Variants in SLC4A4 observed in about 807,000 individuals in gnomAD.
The protein encoded by SLC4A4 is solute carrier family 4 member 4.
SLC4A4 carries 27 observed loss-of-function variants against 111.5 expected under a neutral mutation model. The observed-to-expected ratio is 0.24, with a 90% confidence interval of 0.18 to 0.33. SLC4A4 has a LOEUF of 0.33. SLC4A4 is among the 10% of genes least tolerant of loss of function. The pLI is 1.00. For missense variants in SLC4A4, 909 were observed against 1,315.5 expected, an observed-to-expected ratio of 0.69 and a Z score of 4.78; for synonymous variants, 443 against 463.4, an observed-to-expected ratio of 0.96 and a Z score of 0.57.
At chr4:71,531,754 T>C (rs1248034983) in intron 16 of SLC4A4, among the ~76,000 whole-genome samples, 2 of 128,152 alleles carry the variant, frequency 1.6e-5, no homozygotes, top group African/African-American at 6.0e-5. Flanking sequence ...CCTCCCTGCC[T>C]ACACACACAC....
chr4:71,086,286 A>G (rs965949668), intron 1 of SLC4A4, among the ~76,000 whole-genome samples: 28 of 151,430 alleles, frequency 1.8e-4, no homozygotes, highest in Non-Finnish European at 3.7e-4. Context: ...GTTGCTTATC[A>G]GCTTAAGGAG....
chr4:71,205,707 T>G (rs1252405869), intron 1 of SLC4A4, among the ~76,000 whole-genome samples: 5 of 152,156 alleles, frequency 3.3e-5, no homozygotes, highest in African/African-American at 7.2e-5. Context: ...CCTCCAAAAT[T>G]TGAATGAAAA....
At chr4:71,557,302 C>T (rs1179685489) in intron 21 of SLC4A4, among the ~76,000 whole-genome samples, 1 of 151,894 alleles carries the variant, frequency 6.6e-6, no homozygotes, top group Admixed American at 6.6e-5. Context: ...GTGTCATCTC[C>T]TCTTTGTTCA....
intron 2 of SLC4A4, among the ~76,000 whole-genome samples, chr4:71,106,386 C>G (rs1299720625): frequency 6.6e-6 from 1 of 150,712 alleles, no homozygotes; most frequent in Non-Finnish European, 1.5e-5. Context: ...GGATCTAGAA[C>G]TAGAAATACC....
In SLC4A4 at chr4:71,567,899, TTGTC is replaced by T; in HGVS notation, c.*150_*153del. 7.1e-7 allele frequency: 1 copy of T among 1,403,246 alleles called. No individual in the cohort carries two copies. 86.9% of individuals were successfully genotyped at this position (1,403,246 alleles called of 1,614,324 possible). On this transcript the variant is annotated 3_prime_UTR_variant, in exon 26 of 26. Coordinates refer to ENST00000264485, the MANE Select transcript of SLC4A4 (RefSeq NM_001098484.3). ...GAACAGAAACTACATTGTAACCTGT[TTGTC>T]TTTCTTAAAACTGACATTTGTTGTT...
chr4:71,244,624 T>G (rs888846661), intron 2 of SLC4A4, among the ~76,000 whole-genome samples: 35 of 152,192 alleles, frequency 2.3e-4, no homozygotes, highest in Non-Finnish European at 4.4e-5. Context: ...GTAATTTATC[T>G]TTATGTGCAA....
intron 16 of SLC4A4, among the ~76,000 whole-genome samples, chr4:71,501,572 C>G (rs1730925372): frequency 7.2e-6 from 1 of 138,270 alleles, no homozygotes; most frequent in South Asian, 2.3e-4. Context: ...TTTCAGTCTT[C>G]TTTTTTTTTT....
intron 2 of SLC4A4, among the ~76,000 whole-genome samples, chr4:71,120,804 C>T (rs574617504): frequency 1.3e-4 from 20 of 152,322 alleles, no homozygotes; most frequent in African/African-American, 4.1e-4. Context: ...GGCACCTCCT[C>T]GGCCTCTGTG....
At chr4:71,393,123 A>T (rs1488792189) in intron 6 of SLC4A4, among the ~76,000 whole-genome samples, 7 of 152,082 alleles carry the variant, frequency 4.6e-5, no homozygotes, top group Non-Finnish European at 1.0e-4. Flanking sequence ...AAGGATGCCC[A>T]CTTTCACCAC....
intron 3 of SLC4A4, among the ~76,000 whole-genome samples, chr4:71,322,268 T>A (rs945810163): frequency 1.1e-4 from 16 of 151,978 alleles, no homozygotes; most frequent in Non-Finnish European, 7.4e-5. Context: ...CCAGGTAATA[T>A]GGGTAGAATT....
chr4:71,547,149 A>G (rs1437871352), intron 19 of SLC4A4, among the ~76,000 whole-genome samples: 1 of 151,852 alleles, frequency 6.6e-6, no homozygotes, highest in Non-Finnish European at 1.5e-5. Context: ...TGGGAATTAT[A>G]TTTGTTGAAA....
intron 7 of SLC4A4, among the ~76,000 whole-genome samples, chr4:71,422,233 C>G (rs1467762633): frequency 6.3e-5 from 9 of 143,404 alleles, no homozygotes; most frequent in African/African-American, 2.4e-4. Context: ...ACTAGAAAAT[C>G]TAGAAGAAAT....
intron 14 of SLC4A4, among the ~76,000 whole-genome samples, chr4:71,480,856 AC>A (rs1321621425): frequency 1.3e-5 from 2 of 151,756 alleles, no homozygotes; most frequent in African/African-American, 4.8e-5. Context: ...CAAATGCCAG[AC>A]ATTTTACTAG....
intron 7 of SLC4A4, among the ~76,000 whole-genome samples, chr4:71,426,362 C>T (rs992312831): frequency 2.0e-5 from 3 of 152,006 alleles, no homozygotes; most frequent in Middle Eastern, 3.2e-3. Context: ...ACTTGATACT[C>T]GAAACACAGC....
chr4:71,534,510 G>A, intron 18 of SLC4A4, 122 bp downstream of exon 18: 2 of 878,504 alleles, frequency 2.3e-6, no homozygotes, highest in Non-Finnish European at 3.7e-6. Flanking sequence ...TTCCTTAAGA[G>A]TCCGCAGAAC....
intron 10 of SLC4A4, 135 bp downstream of exon 10, chr4:71,450,678 A>C: frequency 1.2e-6 from 1 of 803,682 alleles, no homozygotes; most frequent in Non-Finnish European, 2.0e-6. Context: ...TATTTTCTCA[A>C]ATGGATCACT....
Position 71,083,207 on chromosome 4 carries a change from A to C in SLC4A4, c.-64-9523A>C, listed in dbSNP as rs976066565. On this transcript the variant is annotated intron_variant, in intron 1 of 26. Coordinates refer to the SLC4A4 transcript ENST00000649996. ...AGTGCATATGCCCAAATAATTATTT[A>C]ATATTATTTTATGGGTTTAAAATTT... 7.2e-5 allele frequency among the ~76,000 whole-genome samples: 11 copies of C among 152,008 alleles called. 1 individual carries two copies. Among genetic ancestry groups the C allele is most frequent in the African/African-American group, 2.7e-4 (11 of 41,320 alleles).
At chr4:71,424,225 A>C (rs1425906469) in intron 7 of SLC4A4, among the ~76,000 whole-genome samples, 3 of 152,144 alleles carry the variant, frequency 2.0e-5, no homozygotes, top group Admixed American at 1.3e-4. Flanking sequence ...ATGCAGCCAA[A>C]AGACACATGA....
chr4:71,286,326 C>T (rs140668807), intron 3 of SLC4A4, among the ~76,000 whole-genome samples: 19 of 152,300 alleles, frequency 1.2e-4, no homozygotes, highest in African/African-American at 4.6e-4. Context: ...TTTCTAAAAG[C>T]ACTCCATGTG....
Sources: gnomAD v4.1 joint callset for allele counts (sites outside exome capture counted in the v4.1 genomes callset) on GRCh38, gnomAD v4.1.1 for gene constraint, MANE v1.5 for transcripts, NCBI Gene and HGNC (gene_info 2026-07-23, HGNC 2026-07-21) for gene names.